ADCY10: variants seen among roughly 807,000 people sequenced by gnomAD.
The protein encoded by ADCY10 is adenylate cyclase type 10.
A neutral mutation model predicts 183.3 loss-of-function variants in ADCY10; 156 were observed. The ratio of observed to expected loss-of-function variants is 0.85; its 90% confidence interval spans 0.75 to 0.97. ADCY10 has a LOEUF of 0.97. ADCY10 is among the 50% of genes least tolerant of loss of function. ADCY10 has a pLI of 0.00. For missense variants in ADCY10, 1,745 were observed against 1,934.3 expected, an observed-to-expected ratio of 0.90 and a Z score of 1.84; for synonymous variants, 645 against 670.0, an observed-to-expected ratio of 0.96 and a Z score of 0.58.
chr1:167,876,758 C>T (rs1441232210), intron 12 of ADCY10, among the ~76,000 whole-genome samples: 2 of 152,230 alleles, frequency 1.3e-5, no homozygotes, highest in Non-Finnish European at 2.9e-5. Context: ...TGCTGTGTAA[C>T]TTGGCAGAGT....
intron 31 of ADCY10, among the ~76,000 whole-genome samples, chr1:167,812,635 T>C (rs1662291420): frequency 6.6e-6 from 1 of 152,116 alleles, no homozygotes; most frequent in Non-Finnish European, 1.5e-5. Flanking sequence ...AAAGCATGGC[T>C]CATCCCAAGG....
In ADCY10 at chr1:167,882,241, T is replaced by C. The variant is rs144345071; in HGVS notation, c.1020+1196A>G. 6.3e-3 allele frequency among the ~76,000 whole-genome samples: 961 copies of C among 152,252 alleles called. 17 individuals are homozygous for C. Among genetic ancestry groups the C allele is most frequent in the African/African-American group, 0.022 (926 of 41,554 alleles). On this transcript the variant is annotated intron_variant, in intron 9 of 32. Coordinates refer to ENST00000367851, the MANE Select transcript of ADCY10 (RefSeq NM_018417.6). ...GGCTCATGCCTGTAATCCCAGCACTTTGGGAGGCCGAGGCAGGTGGATCAC... is the reference window on the plus strand; with the variant it reads ...GGCTCATGCCTGTAATCCCAGCACTCTGGGAGGCCGAGGCAGGTGGATCAC...
chr1:167,900,239 ACAAT>A (rs1389095707), intron 5 of ADCY10, among the ~76,000 whole-genome samples: 1 of 152,220 alleles, frequency 6.6e-6, no homozygotes, highest in Non-Finnish European at 1.5e-5. Flanking sequence ...TGACTGTAAT[ACAAT>A]CAATGTTTAT....
At chr1:167,824,353 T>G (rs1663120591) in intron 28 of ADCY10, 123 bp downstream of exon 28, 1 of 838,008 alleles carries the variant, frequency 1.2e-6, no homozygotes, top group Non-Finnish European at 2.1e-6. Flanking sequence ...TACTATCAGT[T>G]ACATTTTCTT....
intron 26 of ADCY10, among the ~76,000 whole-genome samples, chr1:167,825,244 G>A (rs1287628495): frequency 6.6e-6 from 1 of 151,874 alleles, no homozygotes; most frequent in Non-Finnish European, 1.5e-5. Context: ...ATGCACCTCT[G>A]TGATGTTTGT....
chr1:167,854,686 G>A (rs1318887954), intron 17 of ADCY10, among the ~76,000 whole-genome samples, 197 bp from the exon 18 acceptor site: 4 of 152,052 alleles, frequency 2.6e-5, no homozygotes, highest in Admixed American at 2.6e-4. Context: ...GCACACACTT[G>A]ATTTATAGTT....
intron 11 of ADCY10, among the ~76,000 whole-genome samples, chr1:167,879,841 A>G (rs1378573664): frequency 6.6e-6 from 1 of 152,232 alleles, no homozygotes; most frequent in Non-Finnish European, 1.5e-5. Flanking sequence ...TTTAATGTTA[A>G]CAGGAAAGTA....
At chr1:167,812,256 A>G (rs1175164145) in intron 31 of ADCY10, among the ~76,000 whole-genome samples, 2 of 152,192 alleles carry the variant, frequency 1.3e-5, no homozygotes, top group African/African-American at 2.4e-5. Context: ...CTTCCAGTGG[A>G]TTTAAAGGGC....
chr1:167,824,734 C>T lies in ADCY10; in HGVS notation c.3872G>A (p.Gly1291Asp), dbSNP rs1157585381. 6.2e-7 allele frequency: 1 copy of T among 1,614,216 alleles called. No individual in the cohort carries two copies. Among genetic ancestry groups the T allele is most frequent in the Non-Finnish European group, 8.5e-7 (1 of 1,180,046 alleles). The change falls in exon 27 of 33, where the codon GGC (glycine) becomes GAC (aspartate). Residue 1291 changes from glycine to aspartate, a missense_variant. Physicochemically the swap from Gly to Asp is moderately conservative, Grantham distance 94 (BLOSUM62 -1). Transcript: ENST00000367851. ...AGCCACGTATGCCACGATTTCAATG[C>T]CCTCGCCTTTCAGGGGGAGGTTGAA... ...HIFNLPLKGEGIEIVAYVAET... is the reference protein window; with the variant it reads ...HIFNLPLKGEDIEIVAYVAET...
rs1051628427 is a variant in ADCY10, at chr1:167,875,272, A to G, written c.1407-86T>C. On this transcript the variant is annotated intron_variant, in intron 12 of 32. Transcript: ENST00000367851. ...AGTGATTAGTTCTTAGTTCCCAGAA[A>G]GTTTCCTTCTCAATTGCTAACAAGA... 3.2e-5 allele frequency: 44 copies of G among 1,387,658 alleles called. No individual in the cohort carries two copies. In the African/African-American group the frequency reaches 6.1e-4, roughly 19 times the overall value. 86.0% of individuals were successfully genotyped at this position (1,387,658 alleles called of 1,614,324 possible).
chr1:167,841,251 A>G (rs1438701544), intron 21 of ADCY10, among the ~76,000 whole-genome samples: 1 of 151,988 alleles, frequency 6.6e-6, no homozygotes, highest in African/African-American at 2.4e-5. Flanking sequence ...GAATAAAATG[A>G]TCTCTAAAAG....
intron 2 of ADCY10, 95 bp from the exon 3 acceptor site, chr1:167,904,086 T>G (rs955526337): frequency 1.0e-5 from 5 of 486,760 alleles, no homozygotes; most frequent in African/African-American, 8.3e-5. Flanking sequence ...CCTCAGCTTT[T>G]TTTTTTTTTT....
chr1:167,892,128 A>G (rs1354578181), intron 8 of ADCY10, among the ~76,000 whole-genome samples: 1 of 151,900 alleles, frequency 6.6e-6, no homozygotes, highest in Non-Finnish European at 1.5e-5. Flanking sequence ...ACGTGCCACC[A>G]CACCCAACTA....
rs201132987 is a variant in ADCY10, at chr1:167,822,058, G to T, written c.4252C>A (p.Leu1418Ile). Reference protein sequence around the residue: ...NNRILKFHSGLLLGLYSSVAI... With the variant: ...NNRILKFHSGILLGLYSSVAI... Reference sequence around the variant, plus strand: ...ACAGAGGAATAAAGTCCCAGGAGGAGTCCACTGTGGAACTTGAGGATTCTG... The same window carrying T: ...ACAGAGGAATAAAGTCCCAGGAGGATTCCACTGTGGAACTTGAGGATTCTG... Residue 1418 changes from leucine (L) to isoleucine (I), a missense_variant, in exon 30 of 33, where the codon CTC becomes ATC. By Grantham distance (5) the Leu-to-Ile change is conservative. Coordinates refer to ENST00000367851, the MANE Select transcript of ADCY10 (RefSeq NM_018417.6). The T allele has an allele frequency of 3.1e-6, 5 of 1,604,264 alleles. No homozygotes were observed. The East Asian group carries it at 8.9e-5, about 29-fold the overall frequency.
intron 18 of ADCY10, among the ~76,000 whole-genome samples, chr1:167,853,294 C>T (rs1665634518): frequency 6.6e-6 from 1 of 151,988 alleles, no homozygotes; most frequent in African/African-American, 2.4e-5. Flanking sequence ...TATGTTTTTC[C>T]CTATTCCTCC....
chr1:167,843,293 C>G (rs888782964), intron 21 of ADCY10, among the ~76,000 whole-genome samples: 2 of 152,036 alleles, frequency 1.3e-5, no homozygotes, highest in African/African-American at 4.8e-5. Context: ...TATTTTATCC[C>G]CCAAAATAAA....
chr1:167,899,692 T>C (rs1050276408), intron 5 of ADCY10, 64 bp from the exon 6 acceptor site: 2 of 1,525,194 alleles, frequency 1.3e-6, no homozygotes, highest in Admixed American at 3.5e-5. Context: ...GCAGCACAGG[T>C]TTTTGGAAAA....
chr1:167,907,439 C>A (rs1669894382), intron 1 of ADCY10, among the ~76,000 whole-genome samples: 1 of 152,088 alleles, frequency 6.6e-6, no homozygotes, highest in African/African-American at 2.4e-5. Flanking sequence ...ACTTTGGGAC[C>A]CAAACTGGAA....
At chr1:167,908,460 GA>G (rs1669954512) in intron 1 of ADCY10, among the ~76,000 whole-genome samples, 1 of 152,098 alleles carries the variant, frequency 6.6e-6, no homozygotes, top group South Asian at 2.1e-4. Context: ...TAGACCCAAT[GA>G]AAAAGTCCTG....
Sources: gnomAD v4.1 joint callset for allele counts (sites outside exome capture counted in the v4.1 genomes callset) on GRCh38, gnomAD v4.1.1 for gene constraint, MANE v1.5 for transcripts, NCBI Gene and HGNC (gene_info 2026-07-23, HGNC 2026-07-21) for gene names.